The following LRBA variants were observed in gnomAD, a reference collection of about 807,000 sequenced individuals.
LRBA encodes LPS responsive beige-like anchor protein, also known as lipopolysaccharide-responsive and beige-like anchor protein.
Under a neutral mutation model 330.0 loss-of-function variants are expected in LRBA, and 176 were observed. The ratio of observed to expected loss-of-function variants is 0.53; its 90% confidence interval spans 0.47 to 0.60. LRBA has a LOEUF of 0.60. Ranked by LOEUF, LRBA falls within the 20% of genes least tolerant of loss-of-function variation. The probability of loss-of-function intolerance (pLI) is 0.00; values close to 1 mark genes in which losing one functional copy is unlikely to be tolerated. For synonymous variants in LRBA, 1,230 were observed against 1,193.0 expected (o/e 1.03, Z -0.64); for missense variants, 3,259 against 3,444.8 (o/e 0.95, Z 1.35).
At chr4:150,301,727 C>T (rs552998671) in intron 53 of LRBA, among the ~76,000 whole-genome samples, 1 of 152,012 alleles carries the variant, frequency 6.6e-6, no homozygotes, top group African/African-American at 2.4e-5. Flanking sequence ...GAGCAAGGAC[C>T]GGGTATTCAG....
At chr4:150,528,311 A>C (rs1763685045) in intron 40 of LRBA, among the ~76,000 whole-genome samples, 1 of 152,070 alleles carries the variant, frequency 6.6e-6, no homozygotes, top group South Asian at 2.1e-4. Flanking sequence ...CATCCTGGCA[A>C]ACACAGTGGA....
intron 2 of LRBA, among the ~76,000 whole-genome samples, chr4:150,997,130 G>A (rs1015651800): frequency 1.3e-5 from 2 of 151,970 alleles, no homozygotes; most frequent in African/African-American, 2.4e-5. Flanking sequence ...ATAACTTGAC[G>A]TGACTGTTCT....
chr4:150,400,705 T>A (rs1019711826), intron 47 of LRBA, among the ~76,000 whole-genome samples: 5 of 151,972 alleles, frequency 3.3e-5, no homozygotes, highest in Admixed American at 3.3e-4. Flanking sequence ...AAAATAAAAT[T>A]AGCTAGATGT....
At chr4:150,371,150 T>G (rs1740223472) in intron 47 of LRBA, among the ~76,000 whole-genome samples, 2 of 150,766 alleles carry the variant, frequency 1.3e-5, no homozygotes, top group Admixed American at 1.3e-4. Context: ...CTTTTCATAG[T>G]AGGTTGAAAA....
chr4:150,422,455 C>G (rs1458593604), intron 46 of LRBA, among the ~76,000 whole-genome samples: 1 of 151,508 alleles, frequency 6.6e-6, no homozygotes, highest in Non-Finnish European at 1.5e-5. Context: ...GGAAGAACAA[C>G]AACAACAAAA....
Position 150,689,499 on chromosome 4 carries a change from T to TA in LRBA, c.5755-5783dup, listed in dbSNP as rs71596229. On this transcript the variant is annotated intron_variant, in intron 36 of 56. Transcript: ENST00000651943. Reference sequence around the variant, plus strand: ...TATTTTTAAAAAGTCCTAAAAGATTTAAAAAAAAAACAGAAATGGAAAATG... The same window carrying TA: ...TATTTTTAAAAAGTCCTAAAAGATTTAAAAAAAAAAACAGAAATGGAAAATG... 1.5e-3 allele frequency among the ~76,000 whole-genome samples: 220 copies of TA among 147,268 alleles called. 1 individual carries two copies. Among genetic ancestry groups the TA allele is most frequent in the Non-Finnish European group, 2.5e-3 (163 of 66,416 alleles).
At chr4:150,452,626 GAAA>G (rs35235439) in intron 44 of LRBA, among the ~76,000 whole-genome samples, 2 of 137,126 alleles carry the variant, frequency 1.5e-5, no homozygotes. Context: ...CATCTCAAAG[GAAA>G]AAAAAAAAAA....
intron 35 of LRBA, among the ~76,000 whole-genome samples, chr4:150,755,569 C>G (rs548768839): frequency 1.3e-5 from 2 of 152,046 alleles, no homozygotes; most frequent in African/African-American, 4.8e-5. Context: ...GAATTTAAAT[C>G]TTAAAATTTT....
intron 37 of LRBA, among the ~76,000 whole-genome samples, chr4:150,618,889 T>C (rs985652390): frequency 2.0e-5 from 3 of 150,952 alleles, no homozygotes; most frequent in South Asian, 4.2e-4. Flanking sequence ...TACACACACA[T>C]ATATATATCC....
intron 38 of LRBA, among the ~76,000 whole-genome samples, chr4:150,597,676 G>A (rs1773658809): frequency 6.6e-6 from 1 of 151,448 alleles, no homozygotes; most frequent in South Asian, 2.1e-4. Flanking sequence ...CCTTCTCCAT[G>A]TAAGCATCAT....
At chr4:150,648,912 G>GTA (rs1204571908) in intron 37 of LRBA, among the ~76,000 whole-genome samples, 1 of 151,954 alleles carries the variant, frequency 6.6e-6, no homozygotes, top group African/African-American at 2.4e-5. Context: ...CTCCTCTTTA[G>GTA]TAATCACTCA....
intron 47 of LRBA, among the ~76,000 whole-genome samples, chr4:150,392,522 C>A (rs768756607): frequency 6.6e-6 from 1 of 152,108 alleles, no homozygotes; most frequent in African/African-American, 2.4e-5. Flanking sequence ...CTCCAAATAT[C>A]CTCACATTGT....
intron 34 of LRBA, among the ~76,000 whole-genome samples, chr4:150,790,084 T>G (rs1422026157): frequency 6.6e-6 from 1 of 152,230 alleles, no homozygotes; most frequent in African/African-American, 2.4e-5. Context: ...AGAGTTCCAT[T>G]TCATTGAATA....
chr4:150,828,805 C>G (rs551781567), intron 29 of LRBA, among the ~76,000 whole-genome samples, 184 bp from the exon 30 acceptor site: 1 of 152,160 alleles, frequency 6.6e-6, no homozygotes, highest in Admixed American at 6.5e-5. Flanking sequence ...ATTATCAAGA[C>G]AGATGGTATA....
chr4:150,902,105 T>C (rs1191907379), intron 13 of LRBA, among the ~76,000 whole-genome samples: 1 of 152,084 alleles, frequency 6.6e-6, no homozygotes, highest in African/African-American at 2.4e-5. Flanking sequence ...TGAAGCAATA[T>C]GTAATTGAGT....
intron 42 of LRBA, among the ~76,000 whole-genome samples, chr4:150,483,345 A>G (rs1005780365): frequency 3.9e-5 from 6 of 152,014 alleles, no homozygotes; most frequent in African/African-American, 1.4e-4. Flanking sequence ...CCATTGGTTT[A>G]TATGAGTCTA....
intron 34 of LRBA, among the ~76,000 whole-genome samples, chr4:150,787,815 C>A (rs1739300856): frequency 1.3e-5 from 2 of 152,206 alleles, no homozygotes; most frequent in Non-Finnish European, 2.9e-5. Context: ...CCTTTCCCAG[C>A]CTCTGGTAAC....
intron 56 of LRBA, among the ~76,000 whole-genome samples, chr4:150,267,648 A>G (rs1212272530): frequency 6.6e-6 from 1 of 152,218 alleles, no homozygotes; most frequent in Non-Finnish European, 1.5e-5. Context: ...AGAAGGAAGA[A>G]AATAATAAAG....
At chr4:150,449,272 G>A (rs944824907) in intron 44 of LRBA, among the ~76,000 whole-genome samples, 11 of 152,172 alleles carry the variant, frequency 7.2e-5, no homozygotes, top group African/African-American at 2.6e-4. Flanking sequence ...AAAAGCAAAA[G>A]CCCTTTCAAG....
Sources: allele counts gnomAD v4.1 joint callset (sites outside exome capture counted in the v4.1 genomes callset), GRCh38; gene constraint gnomAD v4.1.1; transcripts MANE v1.5; gene names NCBI Gene and HGNC (gene_info 2026-07-23, HGNC 2026-07-21).